The following LYPLAL1 variants were observed in gnomAD, a reference collection of about 807,000 sequenced individuals.
LYPLAL1 encodes the protein lysophospholipase like 1.
A neutral mutation model predicts 19.7 loss-of-function variants in LYPLAL1; 23 were observed. The observed-to-expected ratio is 1.17, with a 90% CI of 0.84 to 1.65. The LOEUF is 1.65. LYPLAL1 is among the 40% of genes most tolerant of loss of function. The probability of loss-of-function intolerance (pLI) is 0.00; values close to 1 mark genes in which losing one functional copy is unlikely to be tolerated. For missense variants in LYPLAL1, 355 were observed against 279.4 expected (o/e 1.27, Z -1.93); for synonymous variants, 119 against 96.3 (o/e 1.24, Z -1.38).
the LYPLAL1 span, among the ~76,000 whole-genome samples, chr1:219,263,414 A>T: frequency 6.6e-6 from 1 of 152,132 alleles, no homozygotes; most frequent in Non-Finnish European, 1.5e-5. Context: ...CCCAGGTTAC[A>T]AGCCTGCCAC....
chr1:219,391,041 A>ATTT, the LYPLAL1 span, among the ~76,000 whole-genome samples: 1 of 152,192 alleles, frequency 6.6e-6, no homozygotes, highest in Non-Finnish European at 1.5e-5. Flanking sequence ...AAAGCCAACA[A>ATTT]CAAAAGGTTA....
At chr1:219,364,634 A>G in the LYPLAL1 span, among the ~76,000 whole-genome samples, 4 of 152,172 alleles carry the variant, frequency 2.6e-5, no homozygotes, top group Admixed American at 2.6e-4. Context: ...GGCACAGAGG[A>G]GAGATTCAAT....
chr1:219,441,170 TATC>T, the LYPLAL1 span, among the ~76,000 whole-genome samples: 1 of 152,236 alleles, frequency 6.6e-6, no homozygotes, highest in Admixed American at 6.5e-5. Context: ...TTAAATGACA[TATC>T]AACCAATTTT....
the LYPLAL1 span, among the ~76,000 whole-genome samples, chr1:219,424,616 T>C: frequency 1.3e-5 from 2 of 152,192 alleles, no homozygotes; most frequent in African/African-American, 4.8e-5. Flanking sequence ...CATGTCCTGA[T>C]GACATCCTCA....
At chr1:219,218,175 A>G in the LYPLAL1 span, among the ~76,000 whole-genome samples, 2 of 152,116 alleles carry the variant, frequency 1.3e-5, no homozygotes, top group Non-Finnish European at 2.9e-5. Flanking sequence ...GAAGTATAAC[A>G]AAATGAACTG....
chr1:219,285,328 T>C, the LYPLAL1 span, among the ~76,000 whole-genome samples: 22 of 152,182 alleles, frequency 1.4e-4, no homozygotes, highest in African/African-American at 5.1e-4. Context: ...AATACAATGT[T>C]AACTGAAAGC....
the LYPLAL1 span, among the ~76,000 whole-genome samples, chr1:219,299,596 G>A: frequency 6.6e-6 from 1 of 152,090 alleles, no homozygotes. Flanking sequence ...CCAAGGACTT[G>A]CAACTTTTAA....
the LYPLAL1 span, among the ~76,000 whole-genome samples, chr1:219,218,785 C>T: frequency 8.4e-4 from 128 of 152,180 alleles, 1 homozygote; most frequent in Non-Finnish European, 1.1e-3. Flanking sequence ...GCAATGAAAT[C>T]AGTTCAATTT....
the LYPLAL1 span, among the ~76,000 whole-genome samples, chr1:219,275,750 T>A: frequency 6.6e-6 from 1 of 152,032 alleles, no homozygotes. Flanking sequence ...ATATAATATG[T>A]AAATATATTG....
At chr1:219,397,544 C>A in the LYPLAL1 span, among the ~76,000 whole-genome samples, 1 of 152,096 alleles carries the variant, frequency 6.6e-6, no homozygotes, top group Non-Finnish European at 1.5e-5. Flanking sequence ...GGGGCATTAG[C>A]TTGTTTACAT....
chr1:219,380,832 C>A, the LYPLAL1 span, among the ~76,000 whole-genome samples: 48 of 152,250 alleles, frequency 3.2e-4, no homozygotes, highest in African/African-American at 1.2e-3. Flanking sequence ...CACAAATACT[C>A]GGCCCTGTTG....
the LYPLAL1 span, among the ~76,000 whole-genome samples, chr1:219,379,890 A>G: frequency 6.6e-5 from 10 of 152,362 alleles, no homozygotes; most frequent in African/African-American, 2.4e-4. Flanking sequence ...AAGGAGAAGA[A>G]AACATGCCCA....
chr1:219,285,179 C>A, the LYPLAL1 span, among the ~76,000 whole-genome samples: 1 of 152,168 alleles, frequency 6.6e-6, no homozygotes, highest in African/African-American at 2.4e-5. Context: ...GAAAAGAAAT[C>A]AACTTTATCG....
the LYPLAL1 span, among the ~76,000 whole-genome samples, chr1:219,433,068 T>C: frequency 9.9e-4 from 151 of 152,296 alleles, 1 homozygote; most frequent in African/African-American, 2.8e-3. Context: ...TAGCCGTCTC[T>C]GGGTTTTCTA....
the LYPLAL1 span, among the ~76,000 whole-genome samples, chr1:219,248,670 C>A: frequency 2.0e-5 from 3 of 152,164 alleles, 1 homozygote; most frequent in East Asian, 5.8e-4. Flanking sequence ...TGCACAGAGA[C>A]TGCATTCGAT....
the LYPLAL1 span, among the ~76,000 whole-genome samples, chr1:219,264,624 G>A: frequency 6.6e-6 from 1 of 152,170 alleles, no homozygotes; most frequent in Non-Finnish European, 1.5e-5. Context: ...GCAGTCTGGA[G>A]TCATGTGTGT....
the LYPLAL1 span, among the ~76,000 whole-genome samples, chr1:219,316,614 T>A: frequency 6.6e-6 from 1 of 152,182 alleles, no homozygotes; most frequent in African/African-American, 2.4e-5. Flanking sequence ...CAGCAGTATT[T>A]ACAATAACTA....
chr1:219,395,842 A>G, the LYPLAL1 span, among the ~76,000 whole-genome samples: 162 of 152,186 alleles, frequency 1.1e-3, 1 homozygote, highest in African/African-American at 3.6e-3. Flanking sequence ...GGTGGCTCAC[A>G]CCTGTAATCC....
At chr1:219,372,719 G>T in the LYPLAL1 span, among the ~76,000 whole-genome samples, 2 of 152,022 alleles carry the variant, frequency 1.3e-5, no homozygotes, top group African/African-American at 4.8e-5. Context: ...GGGCAACATG[G>T]TGAAACCCTG....
Sources: gnomAD v4.1 joint callset for allele counts (sites outside exome capture counted in the v4.1 genomes callset) on GRCh38, gnomAD v4.1.1 for gene constraint, MANE v1.5 for transcripts, NCBI Gene and HGNC (gene_info 2026-07-23, HGNC 2026-07-21) for gene names.